The following ZBTB16 variants were observed in gnomAD, a reference collection of about 807,000 sequenced individuals.
ZBTB16 encodes zinc finger and BTB domain containing 16, also known as zinc finger and BTB domain-containing protein 16.
ZBTB16 carries 8 observed loss-of-function variants against 56.8 expected under a neutral mutation model. That is an observed-to-expected ratio of 0.14 (90% CI 0.08 to 0.25). The LOEUF is 0.25. Ranked by LOEUF, ZBTB16 falls within the 10% of genes least tolerant of loss-of-function variation. The pLI is 1.00. For synonymous variants in ZBTB16, 363 were observed against 368.5 expected (o/e 0.98, Z 0.17); for missense variants, 625 against 903.0 (o/e 0.69, Z 3.95).
At chr11:114,191,873 A>G (rs141123891) in intron 4 of ZBTB16, among the ~76,000 whole-genome samples, 1,964 of 152,328 alleles carry the variant, frequency 0.013, 27 homozygotes, top group Non-Finnish European at 0.016. Context: ...AAAGTAGTCC[A>G]TTGGAGGGTT....
At chr11:114,179,709 G>A (rs1943201971) in intron 3 of ZBTB16, among the ~76,000 whole-genome samples, 1 of 152,046 alleles carries the variant, frequency 6.6e-6, no homozygotes, top group South Asian at 2.1e-4. Context: ...TTTGGAGAGG[G>A]AGGGATTTGA....
rs536293819 is a variant in ZBTB16 at position 114,199,300 on chromosome 11, G to A, written c.1453+12262G>A. 1.3e-4 allele frequency among the ~76,000 whole-genome samples: 20 copies of A among 151,448 alleles called. No individual in the cohort carries two copies. In the South Asian group the frequency reaches 3.8e-3, roughly 28 times the overall value. ...CCCAGGGACGGGGATGCCGGACATG[G>A]ATGCCGCTGGGCCCCGGGATGGGGA... is the stretch of plus-strand genomic sequence containing the variant. On this transcript the variant is annotated intron_variant, in intron 4 of 6. Coordinates refer to ENST00000335953, the MANE Select transcript of ZBTB16 (RefSeq NM_006006.6).
chr11:114,139,456 A>G (rs2134888413), intron 2 of ZBTB16, among the ~76,000 whole-genome samples: 1 of 152,214 alleles, frequency 6.6e-6, no homozygotes, highest in African/African-American at 2.4e-5. Flanking sequence ...TTTTACTATA[A>G]TAGTTTCTTG....
chr11:114,222,259 CA>C (rs3837420), intron 4 of ZBTB16, among the ~76,000 whole-genome samples: 12,430 of 152,232 alleles, frequency 0.082, 570 homozygotes, highest in Middle Eastern at 0.14. Context: ...CCTGAATGAA[CA>C]GAAAGTATCA....
intron 2 of ZBTB16, among the ~76,000 whole-genome samples, chr11:114,155,342 G>A (rs895936159): frequency 1.2e-4 from 19 of 152,208 alleles, no homozygotes; most frequent in African/African-American, 3.4e-4. Flanking sequence ...GTGGGTGGGC[G>A]GCAGCTTGGA....
chr11:114,104,016 C>T (rs1054954776), intron 2 of ZBTB16, among the ~76,000 whole-genome samples: 2 of 152,202 alleles, frequency 1.3e-5, no homozygotes, highest in African/African-American at 2.4e-5. Flanking sequence ...TCCTCGCAGA[C>T]CAGCATTTTG....
At chr11:114,228,216 A>T (rs186922222) in intron 4 of ZBTB16, among the ~76,000 whole-genome samples, 12 of 152,356 alleles carry the variant, frequency 7.9e-5, no homozygotes, top group Admixed American at 6.5e-4. Context: ...ATATAGAAAT[A>T]TGTGTGATTC....
intron 5 of ZBTB16, among the ~76,000 whole-genome samples, chr11:114,245,329 G>A (rs1031869821): frequency 6.6e-6 from 1 of 152,218 alleles, no homozygotes; most frequent in African/African-American, 2.4e-5. Flanking sequence ...CCCATAGATT[G>A]GGGTGAACTG....
chr11:114,217,285 A>G (rs1306055271), intron 4 of ZBTB16, among the ~76,000 whole-genome samples: 1 of 152,226 alleles, frequency 6.6e-6, no homozygotes, highest in Non-Finnish European at 1.5e-5. Flanking sequence ...TTATGAGATC[A>G]GATACATTTT....
At chr11:114,137,603 C>T (rs1277343372) in intron 2 of ZBTB16, among the ~76,000 whole-genome samples, 1 of 152,160 alleles carries the variant, frequency 6.6e-6, no homozygotes, top group Non-Finnish European at 1.5e-5. Flanking sequence ...TGGAGAGAGG[C>T]CCGGAGGCTT....
intron 2 of ZBTB16, among the ~76,000 whole-genome samples, chr11:114,100,452 C>T (rs1237306357): frequency 1.3e-5 from 2 of 152,156 alleles, no homozygotes; most frequent in African/African-American, 2.4e-5. Context: ...GCCCCCTACT[C>T]CCCAGTAATA....
chr11:114,148,959 C>A (rs960281385), intron 2 of ZBTB16, among the ~76,000 whole-genome samples: 2 of 150,460 alleles, frequency 1.3e-5, no homozygotes, highest in African/African-American at 4.9e-5. Flanking sequence ...TTTTCTCTTC[C>A]GATTCTCTTT....
At chr11:114,242,392 T>C (rs1330298567) in intron 5 of ZBTB16, 55 bp downstream of exon 5, 4 of 1,601,076 alleles carry the variant, frequency 2.5e-6, no homozygotes, top group Non-Finnish European at 3.4e-6. Context: ...AGCGTCTATA[T>C]TTACCTCCAA....
chr11:114,167,186 A>C (rs1299172596), intron 3 of ZBTB16, among the ~76,000 whole-genome samples: 2 of 143,100 alleles, frequency 1.4e-5, no homozygotes, highest in South Asian at 2.3e-4. Context: ...AATAGATTGG[A>C]GAGGAGCCTC....
chr11:114,183,725 G>A (rs1943302671), intron 3 of ZBTB16, among the ~76,000 whole-genome samples: 1 of 152,214 alleles, frequency 6.6e-6, no homozygotes, highest in Non-Finnish European at 1.5e-5. Context: ...ATTTGGGACT[G>A]GGGGCAGTTT....
intron 3 of ZBTB16, among the ~76,000 whole-genome samples, chr11:114,182,016 CA>C (rs1438830955): frequency 6.6e-6 from 1 of 152,118 alleles, no homozygotes; most frequent in Non-Finnish European, 1.5e-5. Context: ...CAGCCCCTGG[CA>C]CTCTCTGTTT....
intron 2 of ZBTB16, among the ~76,000 whole-genome samples, chr11:114,118,402 C>T (rs966722024): frequency 6.6e-6 from 1 of 152,132 alleles, no homozygotes; most frequent in Non-Finnish European, 1.5e-5. Context: ...GTCTCAAACT[C>T]CTGGCCTCAA....
At chr11:114,128,979 G>C (rs1043878562) in intron 2 of ZBTB16, among the ~76,000 whole-genome samples, 1 of 152,204 alleles carries the variant, frequency 6.6e-6, no homozygotes, top group African/African-American at 2.4e-5. Flanking sequence ...CCCAGTGTCA[G>C]TGGCGGGTTG....
chr11:114,116,175 C>T (rs1056214836), intron 2 of ZBTB16, among the ~76,000 whole-genome samples: 1 of 152,120 alleles, frequency 6.6e-6, no homozygotes, highest in Admixed American at 6.5e-5. Context: ...TGGACAGCCT[C>T]GGCGAAGTGA....
Sources: allele counts gnomAD v4.1 joint callset (sites outside exome capture counted in the v4.1 genomes callset), GRCh38; gene constraint gnomAD v4.1.1; transcripts MANE v1.5; gene names NCBI Gene and HGNC (gene_info 2026-07-23, HGNC 2026-07-21).